Variants in MPHOSPH9 observed in about 807,000 individuals in gnomAD.
MPHOSPH9 encodes M-phase phosphoprotein 9.
MPHOSPH9 carries 88 observed loss-of-function variants against 145.5 expected under a neutral mutation model. That is an observed-to-expected ratio of 0.60 (90% CI 0.51 to 0.72). The LOEUF is 0.72. Ranked by LOEUF, MPHOSPH9 falls within the 30% of genes least tolerant of loss-of-function variation. The probability of loss-of-function intolerance (pLI) is 0.00; values close to 1 mark genes in which losing one functional copy is unlikely to be tolerated. For synonymous variants in MPHOSPH9, 435 were observed against 486.2 expected (o/e 0.89, Z 1.39); for missense variants, 1,238 against 1,386.6 (o/e 0.89, Z 1.70).
chr12:123,201,821 G>GT (rs992384159), intron 11 of MPHOSPH9, among the ~76,000 whole-genome samples: 3 of 152,064 alleles, frequency 2.0e-5, no homozygotes, highest in Non-Finnish European at 2.9e-5. Context: ...ATCTTTGTGG[G>GT]TTTTTTTGGA....
chr12:123,162,933 T>A, intron 20 of MPHOSPH9, 81 bp downstream of exon 20: 1 of 1,328,106 alleles, frequency 7.5e-7, no homozygotes, highest in Non-Finnish European at 9.9e-7. Flanking sequence ...GAAAAATTAG[T>A]GATAGCTAGA....
chr12:123,204,678 C>A (rs986425427), intron 8 of MPHOSPH9, among the ~76,000 whole-genome samples: 57 of 152,286 alleles, frequency 3.7e-4, no homozygotes, highest in African/African-American at 1.3e-3. Context: ...AGTTCGAGAC[C>A]AGCCTGGCTA....
At chr12:123,224,846 G>A (rs573305047) in intron 3 of MPHOSPH9, among the ~76,000 whole-genome samples, 2 of 152,270 alleles carry the variant, frequency 1.3e-5, no homozygotes, top group East Asian at 1.9e-4. Context: ...CACCAGTGGA[G>A]GTGCTGTACA....
chr12:123,240,945 C>T (rs933024492), intron 1 of MPHOSPH9, among the ~76,000 whole-genome samples: 1 of 151,862 alleles, frequency 6.6e-6, no homozygotes, highest in Non-Finnish European at 1.5e-5. Flanking sequence ...AACTCCTGAC[C>T]TCAGGTAATC....
At chr12:123,204,701 C>T (rs910866116) in intron 8 of MPHOSPH9, among the ~76,000 whole-genome samples, 1 of 152,122 alleles carries the variant, frequency 6.6e-6, no homozygotes, top group Non-Finnish European at 1.5e-5. Flanking sequence ...ATGGTGAAAC[C>T]CTGTCTCTAC....
chr12:123,226,719 C>T (rs371656349), intron 3 of MPHOSPH9, among the ~76,000 whole-genome samples: 1 of 152,056 alleles, frequency 6.6e-6, no homozygotes, highest in East Asian at 1.9e-4. Context: ...ACCCTGACTT[C>T]CTGGGTTGAA....
In MPHOSPH9 at chr12:123,224,130, A is replaced by AT. The variant is rs1156810609; in HGVS notation, c.259-1004dup. Reference sequence around the variant, plus strand: ...CTAATTTATATATATATATATACACATTTTTTTTTTTTTTTTTTTTTGGAG... The same window carrying AT: ...CTAATTTATATATATATATATACACATTTTTTTTTTTTTTTTTTTTTTGGAG... On this transcript the variant is annotated intron_variant, in intron 3 of 23. Transcript: ENST00000606320. 2.7e-3 allele frequency among the ~76,000 whole-genome samples: 220 copies of AT among 81,018 alleles called. 5 individuals carry two copies. The highest frequency in any genetic ancestry group is 6.3e-3 in the African/African-American group (155 of 24,790). The allele number at this position is 81,018 out of a possible 152,430, so 53.2% of individuals were successfully genotyped here. A position where few individuals can be genotyped will look rare whatever the true frequency, so the allele number is the denominator to read the frequency against.
upstream of MPHOSPH9, among the ~76,000 whole-genome samples, chr12:123,237,061 G>C (rs182029064): frequency 3.3e-5 from 5 of 152,162 alleles, no homozygotes; most frequent in East Asian, 9.6e-4. Context: ...GTCCAGGCTG[G>C]GTGACAGAGT....
In MPHOSPH9 at chr12:123,223,131, T is replaced by C. The variant is rs574090434; in HGVS notation, c.259-4A>G. On this transcript the variant is annotated splice_polypyrimidine_tract_variant and splice_region_variant and intron_variant, in intron 3 of 23. Transcript: ENST00000606320. ...TGAATAGCTGTAACCACCTGGTCTA[T>C]TAAATTATAAAATATTTTAGTTAAA... 33 of 1,369,176 alleles carry C rather than the reference T, an allele frequency of 2.4e-5. No individual in the cohort carries two copies. In the African/African-American group the frequency reaches 4.4e-4, roughly 18 times the overall value. The allele number at this position is 1,369,176 out of a possible 1,614,324, so 84.8% of individuals were successfully genotyped here. A position where few individuals can be genotyped will look rare whatever the true frequency, so the allele number is the denominator to read the frequency against.
In MPHOSPH9 at chr12:123,178,932, A is replaced by C. The variant is rs78603572; in HGVS notation, c.2354+994T>G. Among the ~76,000 whole-genome samples, 694 of 152,332 alleles carry C rather than the reference A, an allele frequency of 4.6e-3. 6 individuals carry two copies. The highest frequency in any genetic ancestry group is 0.02 in the Middle Eastern group (6 of 294). ...ATACAGTCTCCAACCGGTCTTTCTG[A>C]AAGTAGATGACCATAATTTTGGTGT... is the stretch of plus-strand genomic sequence containing the variant. On this transcript the variant is annotated intron_variant, in intron 15 of 23. Coordinates refer to ENST00000606320, the MANE Select transcript of MPHOSPH9 (RefSeq NM_022782.4).
At chr12:123,158,843 C>A (rs1386740938) in intron 23 of MPHOSPH9, among the ~76,000 whole-genome samples, 1 of 152,204 alleles carries the variant, frequency 6.6e-6, no homozygotes, top group Non-Finnish European at 1.5e-5. Context: ...ATCGGCCAGG[C>A]CGGCCTCAAA....
chr12:123,191,022 A>G lies in MPHOSPH9; in HGVS notation c.2241+3364T>C, dbSNP rs1172175979. ...AACTGTGGTGGGTTTGTGAATAATT[A>G]GAAACAATAACATCCCAGGCCAGGC... On this transcript the variant is annotated intron_variant, in intron 13 of 23. Coordinates refer to ENST00000606320, the MANE Select transcript of MPHOSPH9 (RefSeq NM_022782.4). Among the ~76,000 whole-genome samples, 3 of 152,132 alleles carry G rather than the reference A, an allele frequency of 2.0e-5. No individual in the cohort carries two copies. In the East Asian group the frequency reaches 5.8e-4, roughly 29 times the overall value.
Position 123,161,255 on chromosome 12 carries a change from C to T in MPHOSPH9, c.3262G>A (p.Glu1088Lys). The change falls in exon 22 of 24, where the codon GAA becomes AAA. Residue 1088 changes from glutamate (E) to lysine (K), a missense_variant. This residue lies in a region of MPHOSPH9 where 393 missense variants were observed against 462.5 expected (regional missense o/e 0.85). Coordinates refer to ENST00000606320, the MANE Select transcript of MPHOSPH9 (RefSeq NM_022782.4). ...GTGACTGAAACCGGCTTACACTGTTCGTAGCTAACTGATTTATTCTTCTCC... is the reference window on the plus strand; with the variant it reads ...GTGACTGAAACCGGCTTACACTGTTTGTAGCTAACTGATTTATTCTTCTCC... ...AWEKNKSVSYEQCKPVSVTPQ... is the reference protein window; with the variant it reads ...AWEKNKSVSYKQCKPVSVTPQ... 1.9e-6 allele frequency: 3 copies of T among 1,614,130 alleles called. No individual in the cohort carries two copies. Among genetic ancestry groups the T allele is most frequent in the Non-Finnish European group, 8.5e-7 (1 of 1,180,034 alleles).
chr12:123,181,202 T>C lies in MPHOSPH9; in HGVS notation c.2250A>G (p.Gly750=), dbSNP rs901238220. Residue 750 remains glycine (G), a synonymous_variant, in exon 14 of 24, where the codon GGA becomes GGG. Transcript: ENST00000606320. ...QENKMFQDLL[G]EYESLGKEHR... is the part of the protein sequence containing the mutation. ...GTTCTTTTCCAAGGGACTCATACTC[T>C]CCTAAAAGCTACAAGGAAAAACAAA... is the stretch of plus-strand genomic sequence containing the variant. The C allele has an allele frequency of 6.2e-7, 1 of 1,611,580 alleles. No individual in the cohort carries two copies. Among genetic ancestry groups the C allele is most frequent in the Non-Finnish European group, 8.5e-7 (1 of 1,178,390 alleles).
intron 11 of MPHOSPH9, among the ~76,000 whole-genome samples, chr12:123,200,136 T>C (rs1005949505): frequency 1.3e-5 from 2 of 152,208 alleles, no homozygotes; most frequent in African/African-American, 2.4e-5. Context: ...AGCTGGCTAA[T>C]GGCTCCATTT....
intron 13 of MPHOSPH9, among the ~76,000 whole-genome samples, chr12:123,182,668 G>T (rs951403064): frequency 2.0e-5 from 3 of 151,310 alleles, no homozygotes; most frequent in South Asian, 2.1e-4. Flanking sequence ...TCCCAGCACT[G>T]TGGGAGGCCA....
chr12:123,214,875 T>C, intron 6 of MPHOSPH9, 41 bp from the exon 7 acceptor site: 1 of 1,504,634 alleles, frequency 6.6e-7, no homozygotes, highest in Non-Finnish European at 9.2e-7. Flanking sequence ...TAAAAGTCAT[T>C]AGGCACAATC....
At chr12:123,152,454 C>A, downstream of MPHOSPH9, 1 of 402,436 alleles carries the variant, frequency 2.5e-6, no homozygotes, top group Non-Finnish European at 5.0e-6. Flanking sequence ...AAGCACTTGT[C>A]TACCCACCAG....
chr12:123,174,436 G>A (rs758317066), intron 16 of MPHOSPH9, among the ~76,000 whole-genome samples: 2 of 150,796 alleles, frequency 1.3e-5, no homozygotes, highest in Non-Finnish European at 3.0e-5. Flanking sequence ...GCAGTGGCGC[G>A]ATCTTGGCTC....
Sources: gnomAD v4.1 joint callset for allele counts (sites outside exome capture counted in the v4.1 genomes callset) on GRCh38, gnomAD v4.1.1 for gene constraint, gnomAD v4.1.1 regional missense constraint, MANE v1.5 for transcripts, NCBI Gene and HGNC (gene_info 2026-07-23, HGNC 2026-07-21) for gene names.